Variants in CFAP299 observed in about 807,000 individuals in gnomAD.
CFAP299 encodes the protein cilia and flagella associated protein 299, also known as cilia- and flagella-associated protein 299.
A neutral mutation model predicts 27.0 loss-of-function variants in CFAP299; 21 were observed. The observed-to-expected ratio is 0.78, with a 90% CI of 0.55 to 1.12. The LOEUF is 1.12. Among genes scored for constraint, CFAP299 ranks in the 50% most tolerant of loss-of-function variants. The pLI, the probability that CFAP299 is intolerant of heterozygous loss-of-function variation, is 0.00. For missense variants in CFAP299, 310 were observed against 276.6 expected (o/e 1.12, Z -0.86); for synonymous variants, 104 against 98.1 (o/e 1.06, Z -0.36).
intron 2 of CFAP299, among the ~76,000 whole-genome samples, chr4:80,384,328 T>C (rs1454506679): frequency 1.3e-5 from 2 of 152,142 alleles, no homozygotes; most frequent in African/African-American, 4.8e-5. Flanking sequence ...ATGCTGAGAA[T>C]TAAAAACAAA....
intron 2 of CFAP299, among the ~76,000 whole-genome samples, chr4:80,430,819 C>A (rs1053935169): frequency 6.6e-6 from 1 of 152,206 alleles, no homozygotes; most frequent in Non-Finnish European, 1.5e-5. Flanking sequence ...TCTATCTAAT[C>A]TATCATCTTT....
At chr4:80,806,311 CA>C (rs1728864122) in intron 3 of CFAP299, among the ~76,000 whole-genome samples, 1 of 152,042 alleles carries the variant, frequency 6.6e-6, no homozygotes, top group Non-Finnish European at 1.5e-5. Context: ...TTCATGTTAC[CA>C]AACATCAAGC....
intron 2 of CFAP299, among the ~76,000 whole-genome samples, chr4:80,403,438 C>CT (rs772330505): frequency 5.7e-4 from 87 of 152,148 alleles, no homozygotes; most frequent in Non-Finnish European, 1.1e-3. Context: ...CTTGTTCATC[C>CT]TTTTTTTTCC....
At position 80,782,694 on chromosome 4, in the gene CFAP299, T is replaced by C. The variant is rs1297937423; in HGVS notation, c.334-87299T>C. On this transcript the variant is annotated intron_variant, in intron 3 of 5. Transcript: ENST00000358105. ...ATAATATACATATATGAATATATAA[T>C]ATATTCATATATAATATACATATAT... is the stretch of plus-strand genomic sequence containing the variant. Among the ~76,000 whole-genome samples, 35 of 123,552 alleles carry C rather than the reference T, an allele frequency of 2.8e-4. 1 individual carries two copies. Among genetic ancestry groups the C allele is most frequent in the Admixed American group, 2.6e-3 (32 of 12,134 alleles). The allele number at this position is 123,552 out of a possible 152,430, so 81.1% of individuals were successfully genotyped here.
chr4:80,848,180 C>T (rs1169918148), intron 3 of CFAP299, among the ~76,000 whole-genome samples: 2 of 151,628 alleles, frequency 1.3e-5, no homozygotes, highest in East Asian at 1.9e-4. Context: ...CACTGCACTC[C>T]AGTCTGGGCA....
At chr4:80,735,692 A>T (rs1723817708) in intron 3 of CFAP299, among the ~76,000 whole-genome samples, 1 of 152,170 alleles carries the variant, frequency 6.6e-6, no homozygotes, top group African/African-American at 2.4e-5. Flanking sequence ...AGTCAAAATG[A>T]TCATATGGTT....
At chr4:80,762,840 G>T (rs536601012) in intron 3 of CFAP299, among the ~76,000 whole-genome samples, 22 of 152,108 alleles carry the variant, frequency 1.4e-4, no homozygotes, top group African/African-American at 2.2e-4. Context: ...TGACTTTTCC[G>T]CAATGGGAGA....
Position 80,400,490 on chromosome 4 carries a change from TA to T in CFAP299, c.242+37608del, listed in dbSNP as rs1278911874. On this transcript the variant is annotated intron_variant, in intron 2 of 5. Transcript: ENST00000358105. ...TCCTTGCTATTCTTGTGATAGTGAA[TA>T]AGTCTCACGAGATCTGATGGGTTTA... Among the ~76,000 whole-genome samples the T allele has an allele frequency of 3.6e-3, 543 of 152,274 alleles. 2 individuals are homozygous for T. The highest frequency in any genetic ancestry group is 0.012 in the African/African-American group (503 of 41,556).
At chr4:80,437,591 A>G (rs1477636374) in intron 2 of CFAP299, among the ~76,000 whole-genome samples, 3 of 152,198 alleles carry the variant, frequency 2.0e-5, no homozygotes, top group African/African-American at 7.2e-5. Context: ...AGGGCAGTAA[A>G]CATGCCTGTC....
chr4:80,385,537 GTAT>G (rs1260444312), intron 2 of CFAP299, among the ~76,000 whole-genome samples: 1 of 151,952 alleles, frequency 6.6e-6, no homozygotes, highest in Non-Finnish European at 1.5e-5. Context: ...TGAGGTAGTT[GTAT>G]TGTAAGCCCC....
chr4:80,604,757 T>C (rs1421359181), intron 3 of CFAP299, among the ~76,000 whole-genome samples: 1 of 152,174 alleles, frequency 6.6e-6, no homozygotes, highest in African/African-American at 2.4e-5. Context: ...TCAAGGTGAA[T>C]GCAGGGACAA....
chr4:80,508,802 C>T (rs1220215051), intron 2 of CFAP299, among the ~76,000 whole-genome samples: 1 of 152,166 alleles, frequency 6.6e-6, no homozygotes, highest in Non-Finnish European at 1.5e-5. Flanking sequence ...AAGCAATCCT[C>T]CTGACTTGGC....
chr4:80,609,239 G>A (rs1349772308), intron 3 of CFAP299, among the ~76,000 whole-genome samples: 1 of 152,000 alleles, frequency 6.6e-6, no homozygotes, highest in Non-Finnish European at 1.5e-5. Context: ...ATATTGCCTT[G>A]TGTGTAATTA....
intron 3 of CFAP299, among the ~76,000 whole-genome samples, chr4:80,747,357 A>G (rs1377522120): frequency 1.3e-5 from 2 of 152,016 alleles, no homozygotes; most frequent in South Asian, 2.1e-4. Context: ...GTGCACTATT[A>G]TGGACACACT....
chr4:80,678,251 T>C (rs976892500), intron 3 of CFAP299, among the ~76,000 whole-genome samples: 4 of 152,164 alleles, frequency 2.6e-5, no homozygotes, highest in South Asian at 2.1e-4. Context: ...GCTACTACTC[T>C]GTTCTTTTTC....
At chr4:80,387,141 T>G in intron 2 of CFAP299, 1 of 1,400,478 alleles carries the variant, frequency 7.1e-7, no homozygotes, top group Non-Finnish European at 1.0e-6. Flanking sequence ...TTGACACACT[T>G]GTAGACGGCA....
intron 2 of CFAP299, among the ~76,000 whole-genome samples, chr4:80,561,936 T>G (rs1304239308): frequency 1.3e-5 from 2 of 152,078 alleles, no homozygotes; most frequent in African/African-American, 4.8e-5. Flanking sequence ...CAATAATAAC[T>G]ACAACAACTT....
At chr4:80,605,894 A>G (rs1387765637) in intron 3 of CFAP299, among the ~76,000 whole-genome samples, 1 of 151,798 alleles carries the variant, frequency 6.6e-6, no homozygotes, top group Non-Finnish European at 1.5e-5. Context: ...GTCATTCTGC[A>G]TTGTTTTCTA....
At chr4:80,808,865 G>A (rs908589910) in intron 3 of CFAP299, among the ~76,000 whole-genome samples, 2 of 151,968 alleles carry the variant, frequency 1.3e-5, no homozygotes, top group Non-Finnish European at 2.9e-5. Flanking sequence ...CATGATTTAC[G>A]ATCAGATGGA....
Sources: allele counts gnomAD v4.1 joint callset (sites outside exome capture counted in the v4.1 genomes callset), GRCh38; gene constraint gnomAD v4.1.1; transcripts MANE v1.5; gene names NCBI Gene and HGNC (gene_info 2026-07-23, HGNC 2026-07-21).